SNX10: variants seen among roughly 807,000 people sequenced by gnomAD.
The protein encoded by SNX10 is sorting nexin-10.
SNX10 carries 25 observed loss-of-function variants against 28.5 expected under a neutral mutation model. The ratio of observed to expected loss-of-function variants is 0.88; its 90% CI spans 0.64 to 1.22. The LOEUF (loss-of-function observed/expected upper bound fraction) is 1.22. Among genes scored for constraint, SNX10 ranks in the 50% most tolerant of loss-of-function variants. The probability of loss-of-function intolerance (pLI) is 0.00; values close to 1 mark genes in which losing one functional copy is unlikely to be tolerated. For missense variants in SNX10, 223 were observed against 242.6 expected (o/e 0.92, Z 0.54); for synonymous variants, 62 against 81.4 (o/e 0.76, Z 1.28).
chr7:26,307,016 C>T (rs1584095938), intron 1 of SNX10, among the ~76,000 whole-genome samples: 1 of 152,220 alleles, frequency 6.6e-6, no homozygotes, highest in Admixed American at 6.5e-5. Flanking sequence ...TGTGCTCATC[C>T]TGCTCACTTT....
At chr7:26,335,803 G>GC (rs369643853) in intron 1 of SNX10, among the ~76,000 whole-genome samples, 3,563 of 140,620 alleles carry the variant, frequency 0.025, 137 homozygotes, top group African/African-American at 0.09. Flanking sequence ...GAGTGCTGTG[G>GC]CGCGATCTCC....
intron 1 of SNX10, among the ~76,000 whole-genome samples, chr7:26,316,587 T>A (rs920151210): frequency 1.3e-5 from 2 of 152,248 alleles, no homozygotes; most frequent in Non-Finnish European, 2.9e-5. Flanking sequence ...GTGCTTGTTA[T>A]GAGCCAGGCT....
intron 1 of SNX10, among the ~76,000 whole-genome samples, chr7:26,315,542 C>T (rs1787048397): frequency 6.6e-6 from 1 of 151,778 alleles, no homozygotes; most frequent in South Asian, 2.1e-4. Flanking sequence ...GTGGTGGGAG[C>T]CTGTAATCCC....
chr7:26,331,841 T>C (rs183654260), intron 1 of SNX10, among the ~76,000 whole-genome samples: 43 of 152,350 alleles, frequency 2.8e-4, no homozygotes, highest in African/African-American at 1.0e-3. Context: ...TGGACTTTCA[T>C]GTGAATGGAG....
intron 1 of SNX10, among the ~76,000 whole-genome samples, chr7:26,330,556 G>A (rs1310890581): frequency 6.6e-6 from 1 of 152,040 alleles, no homozygotes; most frequent in East Asian, 1.9e-4. Context: ...ATGAGTTCCC[G>A]AGGCATAGTG....
intron 2 of SNX10, chr7:26,357,118 A>G (rs1285126106): frequency 6.4e-6 from 6 of 931,584 alleles, no homozygotes; most frequent in South Asian, 1.6e-5. Flanking sequence ...CTGCTAGAGG[A>G]GGCCTACAGG....
Position 26,345,598 on chromosome 7 carries a change from A to G in SNX10, c.-23-822A>G, listed in dbSNP as rs1448288182. The stretch of plus-strand genomic sequence containing the variant: ...CTGTGTTCCCTATGGTGCCAGTGAC[A>G]TGAGTATAGAGACTCTGGGAATACG... On this transcript the variant is annotated intron_variant, in intron 1 of 6. Transcript: ENST00000338523. Among the ~76,000 whole-genome samples the G allele has an allele frequency of 2.6e-5, 4 of 152,286 alleles. No individual in the cohort carries two copies. The East Asian group carries it at 5.8e-4, about 22-fold the overall frequency.
intron 1 of SNX10, among the ~76,000 whole-genome samples, chr7:26,316,823 G>A (rs1366471051): frequency 2.6e-5 from 4 of 152,112 alleles, no homozygotes; most frequent in East Asian, 1.9e-4. Context: ...ATTTTTGGGC[G>A]CTTTTTTTCT....
At chr7:26,326,072 C>T (rs996716320) in intron 1 of SNX10, among the ~76,000 whole-genome samples, 1 of 152,158 alleles carries the variant, frequency 6.6e-6, no homozygotes, top group African/African-American at 2.4e-5. Context: ...TCTTTTACAA[C>T]TAAAACTGTA....
Position 26,372,777 on chromosome 7 carries a change from G to A in SNX10, c.*205G>A. Reference sequence around the variant, plus strand: ...TTCTGTGTAAAGCTAAAAATCCTGTGAATACAATACTATCCTTTACAGGCA... The same window carrying A: ...TTCTGTGTAAAGCTAAAAATCCTGTAAATACAATACTATCCTTTACAGGCA... On this transcript the variant is annotated 3_prime_UTR_variant, in exon 7 of 7. Transcript: ENST00000338523. 2.0e-6 allele frequency: 1 copy of A among 500,736 alleles called. No individual in the cohort carries two copies. Among genetic ancestry groups the A allele is most frequent in the Non-Finnish European group, 3.6e-6 (1 of 280,730 alleles). 31.0% of individuals were successfully genotyped at this position (500,736 alleles called of 1,614,324 possible).
chr7:26,371,653 A>C (rs1241346397), intron 5 of SNX10, among the ~76,000 whole-genome samples, 168 bp from the exon 6 acceptor site: 1 of 152,206 alleles, frequency 6.6e-6, no homozygotes, highest in Non-Finnish European at 1.5e-5. Flanking sequence ...ATTGAATAAA[A>C]GTTAACATAT....
At position 26,349,343 on chromosome 7, in the gene SNX10, A is replaced by ATTT. The variant is rs35282662; in HGVS notation, c.24+2891_24+2893dup. Among the ~76,000 whole-genome samples the ATTT allele has an allele frequency of 5.5e-4, 81 of 146,696 alleles. 1 individual carries two copies. The South Asian group carries it at 0.013, about 23-fold the overall frequency. ...GTAGTACTGACCTTAAAATTTAGTA[A>ATTT]TTTTTTTTTTTTTTTTACATTTTGG... On this transcript the variant is annotated intron_variant, in intron 2 of 6. Coordinates refer to ENST00000338523, the MANE Select transcript of SNX10 (RefSeq NM_013322.3).
intron 1 of SNX10, among the ~76,000 whole-genome samples, chr7:26,319,205 T>C (rs891071394): frequency 3.9e-5 from 6 of 152,238 alleles, no homozygotes; most frequent in Non-Finnish European, 8.8e-5. Context: ...ACTGAATCAG[T>C]AGACGTAGAT....
chr7:26,372,158 AAATT>A (rs71744614), intron 6 of SNX10, 125 bp downstream of exon 6: 196,299 of 666,360 alleles, frequency 0.29, 29,706 homozygotes, highest in Admixed American at 0.31. Context: ...GATAATGAAA[AAATT>A]AATTGACTGA....
chr7:26,349,979 C>A (rs1290608022), intron 2 of SNX10, among the ~76,000 whole-genome samples: 5 of 152,196 alleles, frequency 3.3e-5, no homozygotes, highest in Non-Finnish European at 7.3e-5. Context: ...TGGGCTCTTT[C>A]CTTGGCACAG....
intron 1 of SNX10, among the ~76,000 whole-genome samples, chr7:26,325,002 T>C (rs1787445321): frequency 1.3e-5 from 2 of 151,942 alleles, no homozygotes; most frequent in African/African-American, 4.8e-5. Context: ...GAGACATTGG[T>C]CTCAGAGGAT....
At chr7:26,303,564 G>T (rs999964476) in intron 1 of SNX10, among the ~76,000 whole-genome samples, 1 of 152,038 alleles carries the variant, frequency 6.6e-6, no homozygotes, top group Non-Finnish European at 1.5e-5. Context: ...TACTCATCTG[G>T]CCACTCTGCT....
intron 1 of SNX10, among the ~76,000 whole-genome samples, chr7:26,325,853 G>A (rs903959648): frequency 6.6e-6 from 1 of 151,142 alleles, no homozygotes; most frequent in Non-Finnish European, 1.5e-5. Context: ...TCAGCCTCCC[G>A]AGTAGCTGAT....
chr7:26,346,933 A>G (rs1437824678), intron 2 of SNX10, among the ~76,000 whole-genome samples: 1 of 152,180 alleles, frequency 6.6e-6, no homozygotes, highest in Admixed American at 6.5e-5. Context: ...CCAGGCCTCC[A>G]TGCCCGCCCC....
Sources: allele counts gnomAD v4.1 joint callset (sites outside exome capture counted in the v4.1 genomes callset), GRCh38; gene constraint gnomAD v4.1.1; transcripts MANE v1.5; gene names NCBI Gene and HGNC (gene_info 2026-07-23, HGNC 2026-07-21).